PCBP3: variants seen among roughly 807,000 people sequenced by gnomAD.
The protein encoded by PCBP3 is poly(rC) binding protein 3.
In PCBP3, 25 loss-of-function variants were observed where a neutral mutation model predicts 52.7. The ratio of observed to expected loss-of-function variants is 0.47; its 90% CI spans 0.35 to 0.66. The LOEUF is 0.66. PCBP3 is among the 30% of genes least tolerant of loss of function. The pLI is 0.01. For synonymous variants in PCBP3, 162 were observed against 183.0 expected (o/e 0.89, Z 0.93); for missense variants, 391 against 490.3 (o/e 0.80, Z 1.91).
intron 2 of PCBP3, among the ~76,000 whole-genome samples, chr21:45,708,965 G>A (rs1275139477): frequency 6.6e-6 from 1 of 152,278 alleles, no homozygotes; most frequent in Non-Finnish European, 1.5e-5. Context: ...AAGCTGGCCT[G>A]AGCTTCAGTG....
rs77940657 is a variant in PCBP3 at position 45,882,334 on chromosome 21, A to G, written c.11-13874A>G. ...GCCATTTGTATGTCTCCTTCTGAGA[A>G]GCTTCCATTCCGTTTCTTTGCCATT... is the stretch of plus-strand genomic sequence containing the variant. On this transcript the variant is annotated intron_variant, in intron 5 of 17. Coordinates refer to ENST00000681687, the MANE Select transcript of PCBP3 (RefSeq NM_001384156.1). Among the ~76,000 whole-genome samples the G allele has an allele frequency of 3.0e-3, 457 of 152,286 alleles. 1 individual carries two copies. Among genetic ancestry groups the G allele is most frequent in the African/African-American group, 0.01 (421 of 41,556 alleles).
At chr21:45,778,629 G>T (rs192614634) in intron 4 of PCBP3, among the ~76,000 whole-genome samples, 1 of 152,308 alleles carries the variant, frequency 6.6e-6, no homozygotes, top group East Asian at 1.9e-4. Context: ...GGTGATAGCA[G>T]CTGGGAGATG....
intron 4 of PCBP3, among the ~76,000 whole-genome samples, chr21:45,834,165 A>T (rs2093522875): frequency 6.6e-6 from 1 of 152,110 alleles, no homozygotes; most frequent in African/African-American, 2.4e-5. Context: ...TCTACGTGGA[A>T]GTTGTCAAGG....
At chr21:45,703,957 AG>A (rs937045438) in intron 2 of PCBP3, among the ~76,000 whole-genome samples, 4 of 152,160 alleles carry the variant, frequency 2.6e-5, no homozygotes, top group Non-Finnish European at 5.9e-5. Context: ...ACATGTTAGC[AG>A]GGGTTTGGGA....
At chr21:45,891,354 C>T (rs1163003035) in intron 5 of PCBP3, among the ~76,000 whole-genome samples, 1 of 152,230 alleles carries the variant, frequency 6.6e-6, no homozygotes, top group Non-Finnish European at 1.5e-5. Context: ...CTCGAATGTT[C>T]TTCACTGGTT....
intron 2 of PCBP3, among the ~76,000 whole-genome samples, chr21:45,697,771 AT>A (rs1477410576): frequency 4.9e-4 from 71 of 145,728 alleles, no homozygotes; most frequent in African/African-American, 1.6e-3. Context: ...AAAAAAAAAA[AT>A]TACAAAGGAA....
chr21:45,773,089 C>T (rs2090002712), intron 4 of PCBP3, among the ~76,000 whole-genome samples: 1 of 152,048 alleles, frequency 6.6e-6, no homozygotes, highest in Non-Finnish European at 1.5e-5. Flanking sequence ...TAATATAGTT[C>T]CATTTGTCTA....
intron 2 of PCBP3, among the ~76,000 whole-genome samples, chr21:45,715,364 G>T (rs1446243943): frequency 6.6e-6 from 1 of 152,118 alleles, no homozygotes; most frequent in Non-Finnish European, 1.5e-5. Flanking sequence ...TTGAATTGAG[G>T]TATAATTTGC....
chr21:45,782,896 C>T (rs896283711), intron 4 of PCBP3, among the ~76,000 whole-genome samples: 2 of 152,254 alleles, frequency 1.3e-5, no homozygotes, highest in South Asian at 2.1e-4. Flanking sequence ...TGAGGCATGT[C>T]GCTGAGTGGA....
At chr21:45,876,225 G>C (rs1443245772) in intron 5 of PCBP3, among the ~76,000 whole-genome samples, 1 of 152,228 alleles carries the variant, frequency 6.6e-6, no homozygotes, top group Non-Finnish European at 1.5e-5. Context: ...ACTTGACTCA[G>C]CTCTCAGGGT....
intron 4 of PCBP3, among the ~76,000 whole-genome samples, chr21:45,804,174 G>C (rs549177373): frequency 1.3e-5 from 2 of 151,078 alleles, no homozygotes. Flanking sequence ...TTGCTGTTTC[G>C]CTTGGCACCT....
At chr21:45,875,421 C>A (rs879290929) in intron 5 of PCBP3, among the ~76,000 whole-genome samples, 2 of 152,212 alleles carry the variant, frequency 1.3e-5, no homozygotes, top group Non-Finnish European at 2.9e-5. Flanking sequence ...CTGCTTTTCA[C>A]CCCCTGCACC....
intron 3 of PCBP3, among the ~76,000 whole-genome samples, chr21:45,747,485 G>C (rs1469718246): frequency 2.6e-5 from 4 of 152,218 alleles, no homozygotes; most frequent in Admixed American, 2.0e-4. Flanking sequence ...AACATCCATA[G>C]GTGCTGCTGC....
intron 5 of PCBP3, among the ~76,000 whole-genome samples, chr21:45,884,343 T>C (rs2095469164): frequency 6.6e-6 from 1 of 152,218 alleles, no homozygotes; most frequent in African/African-American, 2.4e-5. Flanking sequence ...ATCAGTAGCA[T>C]TTTAGAGTAT....
chr21:45,747,423 G>C (rs1219759313), intron 3 of PCBP3, among the ~76,000 whole-genome samples: 2 of 152,248 alleles, frequency 1.3e-5, no homozygotes, highest in East Asian at 3.8e-4. Context: ...CCAGGCCGCG[G>C]GGTGAGCTCT....
chr21:45,908,671 G>A (rs542870217), intron 9 of PCBP3, among the ~76,000 whole-genome samples: 219 of 152,004 alleles, frequency 1.4e-3, no homozygotes, highest in Non-Finnish European at 1.8e-3. Flanking sequence ...TGTCTGCCAC[G>A]CTCTGCAGCG....
rs112021406 is a variant in PCBP3 at position 45,786,943 on chromosome 21, C to T, written c.-126+31491C>T. Among the ~76,000 whole-genome samples the T allele has an allele frequency of 7.6e-3, 1,163 of 152,322 alleles. 15 individuals carry two copies. The highest frequency in any genetic ancestry group is 0.025 in the African/African-American group (1,049 of 41,572). ...TGAGAGTCCGTGGGTCCCCTAGCGG[C>T]GTGCAGCCTGCTGGGATGGAAAGGG... On this transcript the variant is annotated intron_variant, in intron 4 of 17. Coordinates refer to ENST00000681687, the MANE Select transcript of PCBP3 (RefSeq NM_001384156.1).
chr21:45,670,122 CTTA>C (rs2081082878), intron 2 of PCBP3, among the ~76,000 whole-genome samples: 2 of 152,042 alleles, frequency 1.3e-5, no homozygotes, highest in South Asian at 2.1e-4. Context: ...CTAACCAACA[CTTA>C]TTATTATTTT....
intron 4 of PCBP3, among the ~76,000 whole-genome samples, chr21:45,815,191 T>C (rs2092864486): frequency 1.4e-5 from 1 of 70,854 alleles, no homozygotes; most frequent in Non-Finnish European, 2.7e-5. Flanking sequence ...GAGTGAGTGG[T>C]GAGTGGTGAG....
Sources: allele counts gnomAD v4.1 joint callset (sites outside exome capture counted in the v4.1 genomes callset), GRCh38; gene constraint gnomAD v4.1.1; transcripts MANE v1.5; gene names NCBI Gene and HGNC (gene_info 2026-07-23, HGNC 2026-07-21).